Variants in RGS7BP observed in about 807,000 individuals in gnomAD.
The protein encoded by RGS7BP is regulator of G protein signaling 7 binding protein.
Under a neutral mutation model 31.3 loss-of-function variants are expected in RGS7BP, and 9 were observed. That is an observed-to-expected ratio of 0.29 (90% CI 0.17 to 0.50). The LOEUF is 0.50. RGS7BP is among the 20% of genes least tolerant of loss of function. The pLI, the probability that RGS7BP is intolerant of heterozygous loss-of-function variation, is 0.98. For missense variants in RGS7BP, 274 were observed against 322.0 expected (o/e 0.85, Z 1.14); for synonymous variants, 115 against 120.1 (o/e 0.96, Z 0.28).
intron 3 of RGS7BP, among the ~76,000 whole-genome samples, chr5:64,593,697 G>A (rs1209117779): frequency 6.6e-6 from 1 of 152,108 alleles, no homozygotes; most frequent in Non-Finnish European, 1.5e-5. Context: ...ATGAGACAGA[G>A]ACTTTCTTTC....
At chr5:64,604,647 G>T (rs1369179271) in intron 5 of RGS7BP, among the ~76,000 whole-genome samples, 1 of 152,124 alleles carries the variant, frequency 6.6e-6, no homozygotes, top group African/African-American at 2.4e-5. Context: ...TCAGCAATTT[G>T]TGCTTTAACA....
chr5:64,548,637 G>A (rs1741716392), intron 2 of RGS7BP, among the ~76,000 whole-genome samples: 2 of 152,038 alleles, frequency 1.3e-5, no homozygotes, highest in Non-Finnish European at 2.9e-5. Context: ...CTCCTGAGCA[G>A]CTGGGATTAC....
At chr5:64,564,880 A>C (rs2111871827) in intron 2 of RGS7BP, among the ~76,000 whole-genome samples, 1 of 152,190 alleles carries the variant, frequency 6.6e-6, no homozygotes, top group East Asian at 1.9e-4. Context: ...GAAACAGTTA[A>C]GTGCTGCCAC....
intron 2 of RGS7BP, among the ~76,000 whole-genome samples, chr5:64,510,881 G>T (rs1580381950): frequency 6.6e-6 from 1 of 152,204 alleles, no homozygotes; most frequent in Admixed American, 6.5e-5. Flanking sequence ...CATGGCTATT[G>T]CTTAAGCACC....
chr5:64,609,047 G>GT, intron 5 of RGS7BP, 114 bp from the exon 6 acceptor site: 1 of 724,244 alleles, frequency 1.4e-6, no homozygotes, highest in Admixed American at 1.9e-5. Context: ...AATGCCAACA[G>GT]TGCTGAGGTT....
chr5:64,575,293 G>A (rs1026104626), intron 2 of RGS7BP, among the ~76,000 whole-genome samples: 3 of 152,062 alleles, frequency 2.0e-5, no homozygotes, highest in Non-Finnish European at 4.4e-5. Context: ...TCTTTAGACT[G>A]AGACAAAAAA....
intron 5 of RGS7BP, among the ~76,000 whole-genome samples, chr5:64,600,004 G>A (rs1374620255): frequency 6.6e-6 from 1 of 152,066 alleles, no homozygotes; most frequent in Non-Finnish European, 1.5e-5. Flanking sequence ...TTACAAGTTG[G>A]CCAACCCAGC....
chr5:64,511,525 ACAGTCG>A (rs1288816778), intron 2 of RGS7BP, among the ~76,000 whole-genome samples: 2 of 152,174 alleles, frequency 1.3e-5, no homozygotes, highest in Non-Finnish European at 2.9e-5. Flanking sequence ...ATTTATAAAG[ACAGTCG>A]CAGTGGCATA....
chr5:64,578,397 T>C (rs1004102335), intron 3 of RGS7BP, among the ~76,000 whole-genome samples: 3 of 152,208 alleles, frequency 2.0e-5, no homozygotes, highest in Admixed American at 2.0e-4. Flanking sequence ...AGTTAAAGTG[T>C]AATCCTTAGA....
chr5:64,517,623 A>C (rs538876910), intron 2 of RGS7BP, among the ~76,000 whole-genome samples: 2 of 152,316 alleles, frequency 1.3e-5, no homozygotes, highest in African/African-American at 4.8e-5. Flanking sequence ...TCTTACCTGC[A>C]CCTCATTATA....
At chr5:64,595,899 AT>A (rs1743051484) in intron 4 of RGS7BP, among the ~76,000 whole-genome samples, 1 of 152,230 alleles carries the variant, frequency 6.6e-6, no homozygotes, top group South Asian at 2.1e-4. Flanking sequence ...TGTGGTAATT[AT>A]GTGCTATTAA....
chr5:64,524,508 G>A (rs984667669), intron 2 of RGS7BP, among the ~76,000 whole-genome samples: 29 of 152,106 alleles, frequency 1.9e-4, no homozygotes, highest in African/African-American at 6.5e-4. Context: ...TCTAAGATCT[G>A]AGATTTCTAT....
At chr5:64,563,816 C>G (rs1223535681) in intron 2 of RGS7BP, among the ~76,000 whole-genome samples, 2 of 152,166 alleles carry the variant, frequency 1.3e-5, no homozygotes, top group African/African-American at 4.8e-5. Context: ...CTTGGAGTTT[C>G]AAAAATAAGT....
intron 2 of RGS7BP, among the ~76,000 whole-genome samples, chr5:64,571,743 G>A (rs1304531980): frequency 6.6e-6 from 1 of 152,106 alleles, no homozygotes; most frequent in East Asian, 1.9e-4. Context: ...CAGCAGTTCA[G>A]TTTTCCTAAG....
At chr5:64,524,465 G>T (rs976210494) in intron 2 of RGS7BP, among the ~76,000 whole-genome samples, 2 of 152,058 alleles carry the variant, frequency 1.3e-5, no homozygotes, top group African/African-American at 4.8e-5. Context: ...AGGGAAACTG[G>T]ATCATATGAC....
At chr5:64,509,968 C>T (rs922674507) in intron 2 of RGS7BP, among the ~76,000 whole-genome samples, 4 of 152,074 alleles carry the variant, frequency 2.6e-5, no homozygotes, top group East Asian at 3.9e-4. Context: ...ATCTGGGCTC[C>T]GTTAATGAAG....
At chr5:64,582,354 T>A (rs2111919479) in intron 3 of RGS7BP, among the ~76,000 whole-genome samples, 1 of 152,352 alleles carries the variant, frequency 6.6e-6, no homozygotes. Flanking sequence ...ATTCAATCAG[T>A]TGTGGCAACA....
At chr5:64,534,875 CA>C (rs1366459510) in intron 2 of RGS7BP, among the ~76,000 whole-genome samples, 1 of 152,078 alleles carries the variant, frequency 6.6e-6, no homozygotes. Flanking sequence ...AGATAGAAAA[CA>C]AAGGAGAGCT....
chr5:64,542,015 T>C (rs1272422912), intron 2 of RGS7BP, among the ~76,000 whole-genome samples: 1 of 152,216 alleles, frequency 6.6e-6, no homozygotes, highest in Admixed American at 6.5e-5. Flanking sequence ...TACGAATCCG[T>C]GTATTTCTAG....
Sources: allele counts gnomAD v4.1 joint callset (sites outside exome capture counted in the v4.1 genomes callset), GRCh38; gene constraint gnomAD v4.1.1; transcripts MANE v1.5; gene names NCBI Gene and HGNC (gene_info 2026-07-23, HGNC 2026-07-21).